Variants in MAGI2 observed in about 807,000 individuals in gnomAD.
MAGI2 encodes membrane-associated guanylate kinase, WW and PDZ domain-containing protein 2.
Under a neutral mutation model 133.3 loss-of-function variants are expected in MAGI2, and 35 were observed. That is an observed-to-expected ratio of 0.26 (90% CI 0.20 to 0.35). MAGI2 has a LOEUF of 0.35. MAGI2 is among the 10% of genes least tolerant of loss of function. MAGI2 has a pLI of 1.00. For missense variants in MAGI2, 1,636 were observed against 1,863.4 expected (o/e 0.88, Z 2.25); for synonymous variants, 729 against 710.6 (o/e 1.03, Z -0.41).
At chr7:79,222,855 C>G (rs757030740) in intron 1 of MAGI2, among the ~76,000 whole-genome samples, 1 of 151,822 alleles carries the variant, frequency 6.6e-6, no homozygotes, top group African/African-American at 2.4e-5. Flanking sequence ...TATACATTAT[C>G]TCATTTCTTT....
chr7:78,369,520 C>G (rs952592030), intron 6 of MAGI2, among the ~76,000 whole-genome samples: 3 of 152,010 alleles, frequency 2.0e-5, no homozygotes, highest in African/African-American at 7.2e-5. Context: ...GAAGGCAAAT[C>G]GCTTTCCTGA....
At chr7:79,224,857 G>T (rs1830712661) in intron 1 of MAGI2, among the ~76,000 whole-genome samples, 1 of 152,144 alleles carries the variant, frequency 6.6e-6, no homozygotes, top group Non-Finnish European at 1.5e-5. Context: ...GCAGCTTTAG[G>T]GGGTGATGGA....
At chr7:78,915,442 A>G (rs1469236490) in intron 2 of MAGI2, among the ~76,000 whole-genome samples, 3 of 152,134 alleles carry the variant, frequency 2.0e-5, no homozygotes, top group Non-Finnish European at 2.9e-5. Context: ...GAAAAGATGC[A>G]TATAAATAAA....
At chr7:79,257,803 G>A (rs1006378094) in intron 1 of MAGI2, among the ~76,000 whole-genome samples, 7 of 152,018 alleles carry the variant, frequency 4.6e-5, no homozygotes, top group East Asian at 1.9e-4. Flanking sequence ...TGCTACTCAC[G>A]AGAAAAAGGA....
chr7:78,031,847 T>G (rs1287733021), intron 21 of MAGI2, among the ~76,000 whole-genome samples: 1 of 152,148 alleles, frequency 6.6e-6, no homozygotes, highest in East Asian at 1.9e-4. Context: ...ATCTATACCT[T>G]CTGGGGTATT....
At chr7:78,198,453 A>G (rs1828935232) in intron 11 of MAGI2, among the ~76,000 whole-genome samples, 1 of 110,392 alleles carries the variant, frequency 9.1e-6, no homozygotes, top group African/African-American at 3.5e-5. Flanking sequence ...TTTTTTCGAG[A>G]CATGGTCTCA....
chr7:79,283,999 T>C (rs899428076), intron 1 of MAGI2, among the ~76,000 whole-genome samples: 2 of 152,072 alleles, frequency 1.3e-5, no homozygotes, highest in African/African-American at 4.8e-5. Flanking sequence ...AGTAACATGC[T>C]ATATAGGTTT....
At position 79,333,120 on chromosome 7, in the gene MAGI2, G is replaced by C. The variant is rs970102598; in HGVS notation, c.301+119900C>G. 3.3e-5 allele frequency among the ~76,000 whole-genome samples: 5 copies of C among 151,992 alleles called. No individual in the cohort carries two copies. The East Asian group carries it at 7.7e-4, about 23-fold the overall frequency. ...TACTTTAGATACAGTGGTTTCATCA[G>C]ATCTTTTTTCAGTATTCATTTTTTC... On this transcript the variant is annotated intron_variant, in intron 1 of 21. Coordinates refer to ENST00000354212, the MANE Select transcript of MAGI2 (RefSeq NM_012301.4).
At chr7:78,356,557 A>C (rs1452331229) in intron 7 of MAGI2, among the ~76,000 whole-genome samples, 2 of 152,246 alleles carry the variant, frequency 1.3e-5, no homozygotes, top group Non-Finnish European at 2.9e-5. Context: ...TATAAGTATC[A>C]AAACATCACT....
chr7:79,324,440 C>CATATAT (rs368012477), intron 1 of MAGI2, among the ~76,000 whole-genome samples: 1 of 20,342 alleles, frequency 4.9e-5, no homozygotes. Flanking sequence ...TATATATAAC[C>CATATAT]ATATATATAT....
At chr7:78,052,261 G>A (rs568035742) in intron 21 of MAGI2, among the ~76,000 whole-genome samples, 4 of 152,222 alleles carry the variant, frequency 2.6e-5, no homozygotes, top group East Asian at 1.9e-4. Flanking sequence ...GGTGTGGCTC[G>A]CTCTGAATGG....
At chr7:79,068,731 T>C (rs1814637840) in intron 1 of MAGI2, among the ~76,000 whole-genome samples, 1 of 152,198 alleles carries the variant, frequency 6.6e-6, no homozygotes, top group African/African-American at 2.4e-5. Flanking sequence ...CATTTAGTGC[T>C]ATAAATTTCC....
intron 21 of MAGI2, among the ~76,000 whole-genome samples, chr7:78,072,236 C>T (rs1189570771): frequency 6.6e-6 from 1 of 152,160 alleles, no homozygotes; most frequent in Non-Finnish European, 1.5e-5. Flanking sequence ...AAAGGAAATT[C>T]TTAACAAACT....
chr7:79,267,665 C>G (rs562694484), intron 1 of MAGI2, among the ~76,000 whole-genome samples: 1 of 152,180 alleles, frequency 6.6e-6, no homozygotes, highest in South Asian at 2.1e-4. Context: ...TTTTCCCTCC[C>G]CTCCTGAAGG....
intron 1 of MAGI2, among the ~76,000 whole-genome samples, chr7:79,305,571 T>C (rs1037835762): frequency 6.6e-6 from 1 of 152,188 alleles, no homozygotes; most frequent in African/African-American, 2.4e-5. Context: ...ATTTTGATTT[T>C]TAAGCATTTT....
chr7:79,444,428 C>G (rs1563230614), intron 1 of MAGI2, among the ~76,000 whole-genome samples: 2 of 152,096 alleles, frequency 1.3e-5, no homozygotes, highest in South Asian at 4.1e-4. Flanking sequence ...CATCTCAGCC[C>G]AAAATCTCCT....
intron 9 of MAGI2, among the ~76,000 whole-genome samples, chr7:78,267,373 C>T (rs571083875): frequency 1.4e-4 from 22 of 152,250 alleles, no homozygotes; most frequent in South Asian, 4.1e-4. Flanking sequence ...CAGGGTTTGA[C>T]GAGAGAGCCC....
At chr7:78,706,696 A>G (rs1818683450) in intron 2 of MAGI2, among the ~76,000 whole-genome samples, 1 of 152,132 alleles carries the variant, frequency 6.6e-6, no homozygotes, top group East Asian at 1.9e-4. Flanking sequence ...TCCTATATTC[A>G]AACTGGAGAT....
At chr7:78,124,633 G>A (rs567524021) in intron 20 of MAGI2, among the ~76,000 whole-genome samples, 2 of 152,170 alleles carry the variant, frequency 1.3e-5, no homozygotes, top group South Asian at 2.1e-4. Flanking sequence ...TTAACTTAAA[G>A]AGGCAGGAGG....
Sources: allele counts gnomAD v4.1 joint callset (sites outside exome capture counted in the v4.1 genomes callset), GRCh38; gene constraint gnomAD v4.1.1; transcripts MANE v1.5; gene names NCBI Gene and HGNC (gene_info 2026-07-23, HGNC 2026-07-21).